SPAG16: variants seen among roughly 807,000 people sequenced by gnomAD.
The protein encoded by SPAG16 is sperm-associated antigen 16 protein.
A neutral mutation model predicts 80.4 loss-of-function variants in SPAG16; 86 were observed. That is an observed-to-expected ratio of 1.07 (90% CI 0.90 to 1.28). SPAG16 has a LOEUF of 1.28. SPAG16 is among the 50% of genes most tolerant of loss of function. The pLI is 0.00. For missense variants in SPAG16, 870 were observed against 765.3 expected (o/e 1.14, Z -1.61); for synonymous variants, 294 against 265.9 (o/e 1.11, Z -1.03).
intron 10 of SPAG16, among the ~76,000 whole-genome samples, chr2:213,836,159 A>T (rs553805120): frequency 1.4e-5 from 2 of 143,482 alleles, no homozygotes; most frequent in African/African-American, 5.1e-5. Flanking sequence ...TAAAAACTTA[A>T]GGAATTTTCA....
At chr2:213,881,492 G>T (rs189728112) in intron 11 of SPAG16, among the ~76,000 whole-genome samples, 1 of 152,166 alleles carries the variant, frequency 6.6e-6, no homozygotes, top group South Asian at 2.1e-4. Flanking sequence ...AACTGCCTGA[G>T]ACTGGGTAAT....
intron 10 of SPAG16, among the ~76,000 whole-genome samples, chr2:213,575,031 G>A (rs1467971817): frequency 6.6e-6 from 1 of 151,944 alleles, no homozygotes; most frequent in African/African-American, 2.4e-5. Flanking sequence ...TTTCTGCATT[G>A]CACCTAACTG....
intron 10 of SPAG16, among the ~76,000 whole-genome samples, chr2:213,672,349 C>A (rs2125225145): frequency 6.6e-6 from 1 of 151,754 alleles, no homozygotes; most frequent in South Asian, 2.1e-4. Flanking sequence ...TTTTCCTTTC[C>A]TTTCCTTCCT....
chr2:213,552,334 A>G (rs911395538), intron 10 of SPAG16, among the ~76,000 whole-genome samples: 6 of 152,160 alleles, frequency 3.9e-5, no homozygotes, highest in Non-Finnish European at 8.8e-5. Context: ...CCAACAACAA[A>G]TATCTACTTT....
At chr2:214,124,888 T>C (rs2054400604) in intron 14 of SPAG16, among the ~76,000 whole-genome samples, 2 of 151,960 alleles carry the variant, frequency 1.3e-5, no homozygotes, top group South Asian at 4.1e-4. Context: ...GGCTGTCATG[T>C]GCATCATCAC....
intron 10 of SPAG16, among the ~76,000 whole-genome samples, chr2:213,814,090 A>G (rs1357881434): frequency 6.6e-6 from 1 of 152,194 alleles, no homozygotes; most frequent in Admixed American, 6.5e-5. Context: ...TAAGAAATTT[A>G]CTGACATTTT....
At chr2:213,565,383 A>G (rs1057339086) in intron 10 of SPAG16, among the ~76,000 whole-genome samples, 1 of 152,254 alleles carries the variant, frequency 6.6e-6, no homozygotes, top group Non-Finnish European at 1.5e-5. Flanking sequence ...CCAGCAATGA[A>G]AACAGCTTAT....
chr2:214,166,418 C>T (rs1395844500), intron 15 of SPAG16, among the ~76,000 whole-genome samples: 4 of 152,146 alleles, frequency 2.6e-5, no homozygotes, highest in Non-Finnish European at 1.5e-5. Context: ...TCCACGCCCC[C>T]GGGCTCGGGT....
At chr2:214,029,397 C>T (rs2048300193) in intron 13 of SPAG16, among the ~76,000 whole-genome samples, 4 of 151,954 alleles carry the variant, frequency 2.6e-5, no homozygotes. Context: ...CTGGCATTTA[C>T]TCAGGGTGGT....
At chr2:214,339,092 T>C (rs887783403) in intron 15 of SPAG16, among the ~76,000 whole-genome samples, 4 of 152,196 alleles carry the variant, frequency 2.6e-5, no homozygotes, top group Non-Finnish European at 2.9e-5. Context: ...CCCAATCAAA[T>C]GAAACTGATA....
At chr2:213,695,194 T>C (rs947376898) in intron 10 of SPAG16, among the ~76,000 whole-genome samples, 1 of 152,140 alleles carries the variant, frequency 6.6e-6, no homozygotes, top group Non-Finnish European at 1.5e-5. Context: ...AGTGGCTATT[T>C]TAAACCTTTC....
chr2:213,773,681 G>A (rs1253775857), intron 10 of SPAG16, among the ~76,000 whole-genome samples: 1 of 152,076 alleles, frequency 6.6e-6, no homozygotes, highest in Non-Finnish European at 1.5e-5. Context: ...AGCCTCCTGA[G>A]TAGCTGGGAT....
At chr2:214,253,873 A>C (rs907466829) in intron 15 of SPAG16, among the ~76,000 whole-genome samples, 1 of 152,108 alleles carries the variant, frequency 6.6e-6, no homozygotes, top group African/African-American at 2.4e-5. Context: ...GATAGCATTG[A>C]ATCTATAAAT....
chr2:214,113,645 T>G (rs62197896), intron 14 of SPAG16, among the ~76,000 whole-genome samples: 30,179 of 152,230 alleles, frequency 0.2, 3,701 homozygotes, highest in Non-Finnish European at 0.28. Context: ...CATCATGTAG[T>G]TCTTGTGCCA....
At chr2:213,940,391 A>G (rs1207996334) in intron 12 of SPAG16, among the ~76,000 whole-genome samples, 1 of 152,192 alleles carries the variant, frequency 6.6e-6, no homozygotes, top group Non-Finnish European at 1.5e-5. Context: ...GTCTCAAGCA[A>G]TCCTCCTGCC....
chr2:214,289,990 A>G (rs1693673527), intron 15 of SPAG16, among the ~76,000 whole-genome samples: 1 of 152,122 alleles, frequency 6.6e-6, no homozygotes, highest in South Asian at 2.1e-4. Flanking sequence ...TTTCAGGAGA[A>G]TTGGTATTAG....
At chr2:213,381,193 G>C (rs2067154761) in intron 9 of SPAG16, among the ~76,000 whole-genome samples, 1 of 152,130 alleles carries the variant, frequency 6.6e-6, no homozygotes, top group East Asian at 1.9e-4. Context: ...CATTTATTCA[G>C]AGCCAATTTC....
intron 15 of SPAG16, among the ~76,000 whole-genome samples, chr2:214,165,701 G>T (rs1365547958): frequency 6.7e-6 from 1 of 149,918 alleles, no homozygotes; most frequent in African/African-American, 2.5e-5. Flanking sequence ...CCTGGCTTTG[G>T]GACAGCCAAC....
intron 10 of SPAG16, among the ~76,000 whole-genome samples, chr2:213,554,895 G>A (rs980152585): frequency 6.6e-6 from 1 of 151,928 alleles, no homozygotes; most frequent in Admixed American, 6.6e-5. Flanking sequence ...GTTTAAGAAG[G>A]TGAGGAAAGA....
Sources: allele counts gnomAD v4.1 joint callset (sites outside exome capture counted in the v4.1 genomes callset), GRCh38; gene constraint gnomAD v4.1.1; transcripts MANE v1.5; gene names NCBI Gene and HGNC (gene_info 2026-07-23, HGNC 2026-07-21).